The following PLCB1 variants were observed in gnomAD, a reference collection of about 807,000 sequenced individuals.
PLCB1 encodes phospholipase C beta 1, also known as 1-phosphatidylinositol 4,5-bisphosphate phosphodiesterase beta-1.
A neutral mutation model predicts 161.8 loss-of-function variants in PLCB1; 46 were observed. The observed-to-expected ratio is 0.28, with a 90% CI of 0.22 to 0.36. The LOEUF is 0.36. PLCB1 is among the 10% of genes least tolerant of loss of function. The pLI is 1.00. For missense variants in PLCB1, 1,016 were observed against 1,472.5 expected (o/e 0.69, Z 5.07); for synonymous variants, 517 against 503.7 (o/e 1.03, Z -0.35).
At chr20:8,777,743 A>G (rs1267789491) in intron 27 of PLCB1, among the ~76,000 whole-genome samples, 1 of 151,068 alleles carries the variant, frequency 6.6e-6, no homozygotes, top group Non-Finnish European at 1.5e-5. Flanking sequence ...AGAAGTCTGG[A>G]CACCCCAATA....
chr20:8,524,304 T>C (rs991911561), intron 3 of PLCB1, among the ~76,000 whole-genome samples: 1 of 152,134 alleles, frequency 6.6e-6, no homozygotes, highest in Non-Finnish European at 1.5e-5. Flanking sequence ...ATGAACCTCC[T>C]GGGTTTTGTT....
At chr20:8,604,370 C>A (rs1987696350) in intron 3 of PLCB1, among the ~76,000 whole-genome samples, 1 of 150,586 alleles carries the variant, frequency 6.6e-6, no homozygotes, top group South Asian at 2.1e-4. Flanking sequence ...ATATGCCAGT[C>A]TAAAGAAATC....
At chr20:8,470,254 A>G (rs1166985233) in intron 3 of PLCB1, among the ~76,000 whole-genome samples, 1 of 152,198 alleles carries the variant, frequency 6.6e-6, no homozygotes, top group African/African-American at 2.4e-5. Context: ...TTGTGAGGAC[A>G]TATGTTTTCA....
Position 8,534,136 on chromosome 20 carries a change from T to A in PLCB1, c.247-94158T>A, listed in dbSNP as rs185355275. On this transcript the variant is annotated intron_variant, in intron 3 of 31. Coordinates refer to ENST00000338037, the MANE Select transcript of PLCB1 (RefSeq NM_015192.4). ...CTTTATTTTTGAGACAGGATCTCAC[T>A]CTGTCATCCATGCTGCTGTGCAGTG... Among the ~76,000 whole-genome samples the A allele has an allele frequency of 2.5e-3, 385 of 152,314 alleles. 1 individual carries two copies. Among genetic ancestry groups the A allele is most frequent in the Non-Finnish European group, 3.4e-3 (233 of 68,024 alleles).
chr20:8,190,547 A>G (rs1215095700), intron 2 of PLCB1, among the ~76,000 whole-genome samples: 1 of 152,094 alleles, frequency 6.6e-6, no homozygotes, highest in African/African-American at 2.4e-5. Context: ...GCAGACAATT[A>G]TCTTGATGGT....
intron 3 of PLCB1, among the ~76,000 whole-genome samples, chr20:8,413,615 T>C (rs1310275296): frequency 6.6e-6 from 1 of 152,230 alleles, no homozygotes; most frequent in Non-Finnish European, 1.5e-5. Context: ...CCTTTCCAGG[T>C]ATACTAGCTA....
chr20:8,192,078 T>G (rs1479779637), intron 2 of PLCB1, among the ~76,000 whole-genome samples: 3 of 152,022 alleles, frequency 2.0e-5, no homozygotes, highest in African/African-American at 7.2e-5. Flanking sequence ...AGAGTCAGTA[T>G]AGTAACATAA....
At chr20:8,543,620 C>CAA (rs60587265) in intron 3 of PLCB1, among the ~76,000 whole-genome samples, 136 of 129,566 alleles carry the variant, frequency 1.0e-3, no homozygotes, top group Non-Finnish European at 1.4e-3. Context: ...CAAAGAGTTC[C>CAA]AAAAAAAAAA....
At chr20:8,307,846 TG>T (rs1249601692) in intron 2 of PLCB1, among the ~76,000 whole-genome samples, 5 of 15,240 alleles carry the variant, frequency 3.3e-4, no homozygotes, top group African/African-American at 1.5e-3. Context: ...TGCTTGAACC[TG>T]GGAGGCAGAT....
chr20:8,139,273 TTAG>T, intron 1 of PLCB1, among the ~76,000 whole-genome samples: 1 of 152,116 alleles, frequency 6.6e-6, no homozygotes, highest in South Asian at 2.1e-4. Flanking sequence ...ATTTTTATTT[TTAG>T]TAGAGACGGG....
chr20:8,550,202 C>T (rs1450328192), intron 3 of PLCB1, among the ~76,000 whole-genome samples: 2 of 152,078 alleles, frequency 1.3e-5, no homozygotes, highest in East Asian at 1.9e-4. Flanking sequence ...TGAGTTAAGA[C>T]TTTGGGGGAC....
intron 3 of PLCB1, among the ~76,000 whole-genome samples, chr20:8,511,458 G>A (rs1328815939): frequency 6.6e-6 from 1 of 152,086 alleles, no homozygotes; most frequent in African/African-American, 2.4e-5. Context: ...TATCTTGCCT[G>A]TTGTGAATAA....
intron 15 of PLCB1, 139 bp downstream of exon 15, chr20:8,722,560 A>G (rs780497787): frequency 5.9e-6 from 3 of 507,880 alleles, no homozygotes; most frequent in Non-Finnish European, 1.0e-5. Context: ...TTTTTGAGGC[A>G]ATTAAATGGC....
intron 31 of PLCB1, among the ~76,000 whole-genome samples, chr20:8,819,973 A>G (rs1985258317): frequency 6.7e-6 from 1 of 149,874 alleles, no homozygotes; most frequent in Admixed American, 6.7e-5. Flanking sequence ...TTATAAATAT[A>G]TATTATATAT....
At chr20:8,336,559 G>A (rs11698328) in intron 2 of PLCB1, among the ~76,000 whole-genome samples, 25,413 of 151,918 alleles carry the variant, frequency 0.17, 2,579 homozygotes, top group Non-Finnish European at 0.22. Context: ...TAAAATGCAG[G>A]TTCTGATTCA....
intron 7 of PLCB1, among the ~76,000 whole-genome samples, chr20:8,656,677 G>A (rs1055119314): frequency 6.6e-6 from 1 of 151,018 alleles, no homozygotes; most frequent in African/African-American, 2.4e-5. Flanking sequence ...ATTTAAACCA[G>A]AGGGAACATA....
chr20:8,220,049 G>C (rs535128599), intron 2 of PLCB1, among the ~76,000 whole-genome samples: 1 of 152,092 alleles, frequency 6.6e-6, no homozygotes, highest in African/African-American at 2.4e-5. Context: ...GCCCTTATTT[G>C]TGGGGTGGTG....
At chr20:8,282,720 C>T (rs942989430) in intron 2 of PLCB1, among the ~76,000 whole-genome samples, 5 of 152,096 alleles carry the variant, frequency 3.3e-5, no homozygotes, top group African/African-American at 1.2e-4. Context: ...TTGGTTGTGG[C>T]TTTTTGGGTG....
chr20:8,591,621 A>C (rs1987153086), intron 3 of PLCB1, among the ~76,000 whole-genome samples: 1 of 152,148 alleles, frequency 6.6e-6, no homozygotes, highest in Non-Finnish European at 1.5e-5. Flanking sequence ...CACCCAGGGC[A>C]CTTAAGAGAC....
Sources: gnomAD v4.1 joint callset for allele counts (sites outside exome capture counted in the v4.1 genomes callset) on GRCh38, gnomAD v4.1.1 for gene constraint, MANE v1.5 for transcripts, NCBI Gene and HGNC (gene_info 2026-07-23, HGNC 2026-07-21) for gene names.